PANX1: variants seen among roughly 807,000 people sequenced by gnomAD.
PANX1 encodes the protein pannexin-1.
PANX1 carries 30 observed loss-of-function variants against 38.7 expected under a neutral mutation model. That is an observed-to-expected ratio of 0.78 (90% CI 0.58 to 1.05). PANX1 has a LOEUF of 1.05. Among genes scored for constraint, PANX1 ranks in the 50% least tolerant of loss-of-function variants. PANX1 has a pLI of 0.00. For synonymous variants in PANX1, 230 were observed against 212.2 expected, an observed-to-expected ratio of 1.08 and a Z score of -0.73; for missense variants, 551 against 517.2, an observed-to-expected ratio of 1.07 and a Z score of -0.63.
chr11:94,135,096 G>T (rs919941929), intron 1 of PANX1, among the ~76,000 whole-genome samples: 1 of 152,148 alleles, frequency 6.6e-6, no homozygotes, highest in African/African-American at 2.4e-5. Flanking sequence ...AGGAGAGCCC[G>T]TGTCTCCTGC....
In PANX1 at chr11:94,141,781, A is replaced by T. The variant is rs191151678; in HGVS notation, c.182-11710A>T. Among the ~76,000 whole-genome samples, 9 of 152,272 alleles carry T rather than the reference A, an allele frequency of 5.9e-5. No individual in the cohort carries two copies. The East Asian group carries it at 1.7e-3, about 29-fold the overall frequency. The stretch of plus-strand genomic sequence containing the variant: ...ACACATTGACTGTGAGACCTTGGAC[A>T]AGTTACAGAATTTCTCAGTGCCTAG... On this transcript the variant is annotated intron_variant, in intron 1 of 4. Transcript: ENST00000227638.
intron 1 of PANX1, among the ~76,000 whole-genome samples, chr11:94,137,132 C>A (rs981926314): frequency 7.9e-5 from 12 of 152,000 alleles, no homozygotes; most frequent in African/African-American, 2.9e-4. Flanking sequence ...GATGAAACTC[C>A]GTCTCTACTT....
chr11:94,161,872 G>A (rs887901489), intron 2 of PANX1, among the ~76,000 whole-genome samples: 1 of 152,182 alleles, frequency 6.6e-6, no homozygotes, highest in African/African-American at 2.4e-5. Context: ...GGTCTTTGAT[G>A]ATGGTGATGT....
At chr11:94,145,083 A>AT (rs1946812047) in intron 1 of PANX1, among the ~76,000 whole-genome samples, 1 of 152,084 alleles carries the variant, frequency 6.6e-6, no homozygotes, top group South Asian at 2.1e-4. Context: ...GTTATATGTG[A>AT]TTTTTTCCAA....
intron 2 of PANX1, among the ~76,000 whole-genome samples, chr11:94,158,772 C>A (rs1946985496): frequency 6.6e-6 from 1 of 152,176 alleles, no homozygotes; most frequent in Non-Finnish European, 1.5e-5. Context: ...CTGGCCAGAA[C>A]TTCCAACACT....
intron 2 of PANX1, among the ~76,000 whole-genome samples, chr11:94,170,145 C>T (rs1392027747): frequency 1.3e-5 from 2 of 151,682 alleles, no homozygotes; most frequent in Non-Finnish European, 2.9e-5. Context: ...GAAACCATCG[C>T]CATTACCCAT....
At chr11:94,164,095 A>G (rs901178292) in intron 2 of PANX1, among the ~76,000 whole-genome samples, 3 of 150,808 alleles carry the variant, frequency 2.0e-5, no homozygotes, top group African/African-American at 7.3e-5. Context: ...TTTGTCTCTA[A>G]TTTTATTTAT....
chr11:94,171,526 T>C (rs934058651), intron 2 of PANX1, among the ~76,000 whole-genome samples: 14 of 151,360 alleles, frequency 9.2e-5, no homozygotes, highest in Non-Finnish European at 1.6e-4. Flanking sequence ...GGCAGTGAGG[T>C]AGTTGTGTGT....
At chr11:94,139,652 G>C (rs1380052017) in intron 1 of PANX1, among the ~76,000 whole-genome samples, 1 of 152,186 alleles carries the variant, frequency 6.6e-6, no homozygotes, top group Non-Finnish European at 1.5e-5. Flanking sequence ...CACGGGAGGG[G>C]AGAGGGCCTG....
At chr11:94,176,616 G>A (rs1379794483) in intron 2 of PANX1, among the ~76,000 whole-genome samples, 1 of 151,594 alleles carries the variant, frequency 6.6e-6, no homozygotes, top group Non-Finnish European at 1.5e-5. Context: ...CCATGTTGTG[G>A]GGGCTGCCGT....
At chr11:94,152,942 G>A (rs1347602655) in intron 1 of PANX1, among the ~76,000 whole-genome samples, 1 of 152,134 alleles carries the variant, frequency 6.6e-6, no homozygotes, top group African/African-American at 2.4e-5. Flanking sequence ...TTGGGCTGCA[G>A]TTTCAGCCTG....
intron 1 of PANX1, among the ~76,000 whole-genome samples, chr11:94,140,082 A>G (rs948248376): frequency 2.6e-5 from 4 of 152,220 alleles, no homozygotes; most frequent in Admixed American, 1.3e-4. Flanking sequence ...GCTTTGAAAA[A>G]GATTACAACT....
intron 2 of PANX1, among the ~76,000 whole-genome samples, chr11:94,154,795 A>T (rs1174236197): frequency 6.6e-6 from 1 of 152,204 alleles, no homozygotes; most frequent in Admixed American, 6.5e-5. Context: ...CAATAACATA[A>T]ACAGTCAATT....
intron 2 of PANX1, among the ~76,000 whole-genome samples, chr11:94,157,607 G>T (rs1946969495): frequency 6.6e-6 from 1 of 151,970 alleles, no homozygotes; most frequent in Admixed American, 6.6e-5. Flanking sequence ...TTGTAAATTT[G>T]TTTGAGTTCA....
chr11:94,139,048 C>T (rs748285418), intron 1 of PANX1, among the ~76,000 whole-genome samples: 5 of 152,132 alleles, frequency 3.3e-5, no homozygotes, highest in South Asian at 2.1e-4. Flanking sequence ...TATTGAGGAA[C>T]CCGTTCGTTA....
intron 1 of PANX1, 36 bp downstream of exon 1, chr11:94,129,529 C>T (rs765812508): frequency 7.7e-6 from 12 of 1,552,272 alleles, no homozygotes; most frequent in Non-Finnish European, 9.7e-6. Flanking sequence ...AGTGGCCGCC[C>T]CGGTCTGGCC....
intron 2 of PANX1, among the ~76,000 whole-genome samples, chr11:94,168,590 A>G (rs374223826): frequency 1.3e-5 from 2 of 151,416 alleles, no homozygotes; most frequent in African/African-American, 4.9e-5. Flanking sequence ...ACGCAAAAGG[A>G]TAGTCGAAAG....
intron 2 of PANX1, among the ~76,000 whole-genome samples, chr11:94,160,219 C>G (rs550611142): frequency 1.2e-4 from 19 of 152,200 alleles, no homozygotes; most frequent in East Asian, 3.9e-4. Flanking sequence ...TTGGGGTGGA[C>G]AGTTCTGTAG....
intron 2 of PANX1, among the ~76,000 whole-genome samples, chr11:94,177,989 A>G (rs1947254501): frequency 6.6e-6 from 1 of 151,972 alleles, no homozygotes; most frequent in Non-Finnish European, 1.5e-5. Flanking sequence ...TGCTTCTTAA[A>G]ACCATAAAAG....
Sources: gnomAD v4.1 joint callset for allele counts (sites outside exome capture counted in the v4.1 genomes callset) on GRCh38, gnomAD v4.1.1 for gene constraint, MANE v1.5 for transcripts, NCBI Gene and HGNC (gene_info 2026-07-23, HGNC 2026-07-21) for gene names.